The following AFTPH variants were observed in gnomAD, a reference collection of about 807,000 sequenced individuals.
AFTPH encodes aftiphilin protein.
AFTPH carries 7 observed loss-of-function variants against 72.5 expected under a neutral mutation model. That is an observed-to-expected ratio of 0.10 (90% confidence interval 0.05 to 0.18). The LOEUF (loss-of-function observed/expected upper bound fraction) is 0.18. Among genes scored for constraint, AFTPH ranks in the 10% least tolerant of loss-of-function variants. AFTPH has a pLI of 1.00. For synonymous variants in AFTPH, 337 were observed against 370.1 expected (o/e 0.91, Z 1.03); for missense variants, 979 against 1,060.5 (o/e 0.92, Z 1.07).
intron 1 of AFTPH, among the ~76,000 whole-genome samples, chr2:64,535,064 G>C (rs1227874339): frequency 1.3e-5 from 2 of 152,126 alleles, no homozygotes; most frequent in Non-Finnish European, 2.9e-5. Context: ...GCTAGTCTCA[G>C]ATAAATGTGT....
chr2:64,529,729 A>T (rs1400834895), intron 1 of AFTPH, among the ~76,000 whole-genome samples: 2 of 151,580 alleles, frequency 1.3e-5, no homozygotes, highest in Non-Finnish European at 2.9e-5. Context: ...TCCTGGGCTC[A>T]GGCAGTCTTC....
chr2:64,548,521 C>T (rs572603037), intron 1 of AFTPH, among the ~76,000 whole-genome samples: 2 of 149,152 alleles, frequency 1.3e-5, no homozygotes, highest in Non-Finnish European at 3.0e-5. Flanking sequence ...AATCCCTTTG[C>T]AGCATTTTGT....
At chr2:64,584,756 C>T (rs987376614) in intron 7 of AFTPH, among the ~76,000 whole-genome samples, 4 of 151,962 alleles carry the variant, frequency 2.6e-5, no homozygotes, top group African/African-American at 7.3e-5. Flanking sequence ...ACCACCATGC[C>T]CGGCTAATTT....
intron 3 of AFTPH, 135 bp from the exon 4 acceptor site, chr2:64,568,957 T>C: frequency 1.0e-6 from 1 of 964,712 alleles, no homozygotes; most frequent in Non-Finnish European, 1.6e-6. Context: ...TTGATTTCAT[T>C]CAAATAGTTA....
chr2:64,557,091 C>A (rs2103971765), intron 2 of AFTPH, among the ~76,000 whole-genome samples: 1 of 151,600 alleles, frequency 6.6e-6, no homozygotes, highest in East Asian at 1.9e-4. Flanking sequence ...ATTTTTTTTT[C>A]TGTCCTGGGA....
chr2:64,532,303 A>C (rs1423923667), intron 1 of AFTPH, among the ~76,000 whole-genome samples: 2 of 152,182 alleles, frequency 1.3e-5, no homozygotes, highest in Non-Finnish European at 2.9e-5. Context: ...GTAAGGCTGG[A>C]GAGAGAGGAA....
chr2:64,540,536 T>A (rs1026342548), intron 1 of AFTPH, among the ~76,000 whole-genome samples: 2 of 152,062 alleles, frequency 1.3e-5, no homozygotes, highest in African/African-American at 4.8e-5. Flanking sequence ...GAAGAAAAAA[T>A]TTTTCATGGG....
At chr2:64,552,147 C>T in exon 2 of AFTPH, 3 of 1,614,038 alleles carry the variant, frequency 1.9e-6, no homozygotes, top group Non-Finnish European at 2.5e-6. Context: ...AGACTCTGTA[C>T]CTAGTCCTGC....
At chr2:64,580,423 C>G (rs1673121523) in intron 7 of AFTPH, 1 of 152,482 alleles carries the variant, frequency 6.6e-6, no homozygotes, top group Non-Finnish European at 1.5e-5. Context: ...GAAGGAAAGC[C>G]TGGATGCACT....
chr2:64,547,304 C>G (rs1056032299), intron 1 of AFTPH, among the ~76,000 whole-genome samples: 1 of 152,132 alleles, frequency 6.6e-6, no homozygotes, highest in Non-Finnish European at 1.5e-5. Flanking sequence ...AGATTACAGG[C>G]CAGTAATTTT....
intron 1 of AFTPH, among the ~76,000 whole-genome samples, chr2:64,536,253 A>G (rs1038914338): frequency 6.6e-6 from 1 of 152,122 alleles, no homozygotes; most frequent in Non-Finnish European, 1.5e-5. Flanking sequence ...AAGGGGGATG[A>G]GATTTCTCAG....
chr2:64,530,988 G>T (rs1669595048), intron 1 of AFTPH, among the ~76,000 whole-genome samples: 1 of 149,634 alleles, frequency 6.7e-6, no homozygotes, highest in Admixed American at 6.7e-5. Context: ...CTTGAACCCG[G>T]GAGGTGGAGA....
At chr2:64,533,663 C>T (rs1050035405) in intron 1 of AFTPH, among the ~76,000 whole-genome samples, 3 of 151,928 alleles carry the variant, frequency 2.0e-5, no homozygotes, top group Non-Finnish European at 4.4e-5. Context: ...CCCCGATTTG[C>T]TAGTGATGTG....
At chr2:64,588,192 G>C (rs998092706) in intron 8 of AFTPH, among the ~76,000 whole-genome samples, 1 of 152,084 alleles carries the variant, frequency 6.6e-6, no homozygotes, top group Non-Finnish European at 1.5e-5. Context: ...ATTTCATATA[G>C]ATGGAATTCT....
chr2:64,539,119 AACTT>A (rs1670057537), intron 1 of AFTPH, among the ~76,000 whole-genome samples: 1 of 152,210 alleles, frequency 6.6e-6, no homozygotes, highest in African/African-American at 2.4e-5. Flanking sequence ...TACAGCAAGA[AACTT>A]ACTTTAAAGC....
intron 2 of AFTPH, among the ~76,000 whole-genome samples, chr2:64,558,797 C>T (rs1478647297): frequency 1.3e-5 from 2 of 152,178 alleles, no homozygotes; most frequent in African/African-American, 4.8e-5. Flanking sequence ...CATCAGTGGC[C>T]GAAGCCTATC....
At chr2:64,569,139 A>G in exon 4 of AFTPH, 1 of 1,614,132 alleles carries the variant, frequency 6.2e-7, no homozygotes, top group Non-Finnish European at 8.5e-7. Context: ...CATGATGCAC[A>G]TGGCTTGAGA....
intron 6 of AFTPH, among the ~76,000 whole-genome samples, chr2:64,578,407 A>C (rs1672954335): frequency 6.6e-6 from 1 of 152,250 alleles, no homozygotes; most frequent in South Asian, 2.1e-4. Context: ...AAAGAAAAAA[A>C]CAACCAACAT....
chr2:64,584,483 G>A (rs1442024989), intron 7 of AFTPH, among the ~76,000 whole-genome samples: 1 of 150,948 alleles, frequency 6.6e-6, no homozygotes, highest in Non-Finnish European at 1.5e-5. Flanking sequence ...TTTTCATTTT[G>A]TTCAAAAGTA....
Sources: allele counts gnomAD v4.1 joint callset (sites outside exome capture counted in the v4.1 genomes callset), GRCh38; gene constraint gnomAD v4.1.1; transcripts MANE v1.5; gene names NCBI Gene and HGNC (gene_info 2026-07-23, HGNC 2026-07-21).